Variants in AHRR observed in about 807,000 individuals in gnomAD.
AHRR encodes the protein aryl hydrocarbon receptor repressor.
In AHRR, 28 loss-of-function variants were observed where a neutral mutation model predicts 44.0. The ratio of observed to expected loss-of-function variants is 0.64; its 90% CI spans 0.47 to 0.87. The LOEUF (loss-of-function observed/expected upper bound fraction) is 0.87. Ranked by LOEUF, AHRR falls within the 40% of genes least tolerant of loss-of-function variation. The pLI is 0.00. For synonymous variants in AHRR, 434 were observed against 407.0 expected (o/e 1.07, Z -0.80); for missense variants, 990 against 953.9 (o/e 1.04, Z -0.50).
intron 3 of AHRR, 41 bp downstream of exon 3, chr5:353,952 G>A (rs1742955038): frequency 1.9e-6 from 3 of 1,580,202 alleles, no homozygotes; most frequent in East Asian, 4.5e-5. Flanking sequence ...CTTGAGTCAG[G>A]CTGTGTCTCC....
At chr5:351,146 T>C (rs557767845) in intron 2 of AHRR, among the ~76,000 whole-genome samples, 6 of 152,288 alleles carry the variant, frequency 3.9e-5, no homozygotes, top group South Asian at 2.1e-4. Flanking sequence ...GCCTGCTACA[T>C]TGCCGATGGG....
At chr5:421,994 T>G (rs1736147487) in intron 5 of AHRR, among the ~76,000 whole-genome samples, 1 of 152,198 alleles carries the variant, frequency 6.6e-6, no homozygotes, top group African/African-American at 2.4e-5. Flanking sequence ...GCACGGTTAA[T>G]TATTCGGGGC....
At chr5:350,675 G>C (rs904161126) in intron 2 of AHRR, among the ~76,000 whole-genome samples, 1 of 151,984 alleles carries the variant, frequency 6.6e-6, no homozygotes, top group Non-Finnish European at 1.5e-5. Context: ...TCCAGCCAGG[G>C]GATGCCAGTG....
rs1016478007 is a variant in AHRR, at chr5:343,784, G to C, written c.-10-109G>C. The C allele has an allele frequency of 3.5e-5, 39 of 1,105,632 alleles. No homozygotes were observed. In the African/African-American group the frequency reaches 4.4e-4, roughly 13 times the overall value. 68.5% of individuals were successfully genotyped at this position (1,105,632 alleles called of 1,614,324 possible). A position where few individuals can be genotyped will look rare whatever the true frequency, so the allele number is the denominator to read the frequency against. On this transcript the variant is annotated intron_variant, in intron 1 of 10. Transcript: ENST00000684583. ...GGAGCAGGAGGTGGGGGCCTCGCGG[G>C]GTCGCGGGTGTGGGGGCGCCAGGAC...
At chr5:412,111 C>T (rs11134022) in intron 4 of AHRR, among the ~76,000 whole-genome samples, 56,075 of 152,130 alleles carry the variant, frequency 0.37, 11,001 homozygotes, top group South Asian at 0.49. Context: ...TCCTTGCCTT[C>T]TCCATCTGCT....
intron 4 of AHRR, among the ~76,000 whole-genome samples, chr5:409,811 G>A (rs1455605516): frequency 2.0e-5 from 3 of 151,752 alleles, no homozygotes; most frequent in African/African-American, 4.8e-5. Context: ...TTTTCTTTAC[G>A]GGTTAGTGTT....
At position 391,339 on chromosome 5, in the gene AHRR, GCGGGCGC is replaced by G. The variant is rs1294081925; in HGVS notation, c.351+14624_351+14630del. Among the ~76,000 whole-genome samples the G allele has an allele frequency of 3.8e-5, 5 of 130,506 alleles. 1 individual carries two copies. The highest frequency in any genetic ancestry group is 8.4e-5 in the African/African-American group (3 of 35,574). 85.6% of individuals were successfully genotyped at this position (130,506 alleles called of 152,430 possible). ...AGAGCGTGCACGGGCGCAGGGCGAG[GCGGGCGC>G]AGGGCGAGGCAGGGCCAGAGCGTGC... On this transcript the variant is annotated intron_variant, in intron 4 of 10. Transcript: ENST00000684583.
chr5:329,035 G>A (rs533331344), intron 1 of AHRR, among the ~76,000 whole-genome samples: 2 of 152,236 alleles, frequency 1.3e-5, no homozygotes, highest in African/African-American at 4.8e-5. Flanking sequence ...TGGATTATGG[G>A]GGCAGTTTCC....
chr5:361,880 T>G (rs1304468887), intron 3 of AHRR, among the ~76,000 whole-genome samples: 1 of 152,218 alleles, frequency 6.6e-6, no homozygotes, highest in Non-Finnish European at 1.5e-5. Flanking sequence ...AACTTTGGCT[T>G]AGACTTTAGA....
intron 1 of AHRR, among the ~76,000 whole-genome samples, chr5:339,114 T>G (rs557241246): frequency 9.1e-4 from 138 of 152,314 alleles, no homozygotes; most frequent in African/African-American, 3.2e-3. Flanking sequence ...GAATTCTCTC[T>G]CTCTCTTTTT....
chr5:397,333 A>G lies in AHRR; in HGVS notation c.352-16011A>G, dbSNP rs1275569807. Among the ~76,000 whole-genome samples, 3 of 101,158 alleles carry G rather than the reference A, an allele frequency of 3.0e-5. No individual in the cohort carries two copies. The South Asian group carries it at 1.1e-3, about 36-fold the overall frequency. The allele number at this position is 101,158 out of a possible 152,430, so 66.4% of individuals were successfully genotyped here. ...CATCCCTGTTAGCCCCTGACCATCCATGTAGCCCCTGACCATCCATGTTAG... is the reference window on the plus strand; with the variant it reads ...CATCCCTGTTAGCCCCTGACCATCCGTGTAGCCCCTGACCATCCATGTTAG... On this transcript the variant is annotated intron_variant, in intron 4 of 10. Coordinates refer to ENST00000684583, the MANE Select transcript of AHRR (RefSeq NM_001377236.1).
intron 5 of AHRR, among the ~76,000 whole-genome samples, chr5:417,593 C>T (rs76646672): frequency 2.0e-5 from 3 of 152,214 alleles, no homozygotes; most frequent in Admixed American, 6.5e-5. Context: ...AGCCATGGCT[C>T]GATGGTCTCA....
intron 8 of AHRR, among the ~76,000 whole-genome samples, chr5:428,486 C>T (rs1399446179): frequency 1.3e-5 from 2 of 152,176 alleles, no homozygotes; most frequent in African/African-American, 4.8e-5. Flanking sequence ...CCTGGCCAAC[C>T]CAGGCCTACC....
At chr5:372,354 G>C (rs1231506050) in intron 3 of AHRR, among the ~76,000 whole-genome samples, 1 of 152,214 alleles carries the variant, frequency 6.6e-6, no homozygotes, top group East Asian at 1.9e-4. Flanking sequence ...CCCAAATCCA[G>C]CCTGGGCCCT....
chr5:383,428 C>A lies in AHRR; in HGVS notation c.351+6712C>A, dbSNP rs924150306. Among the ~76,000 whole-genome samples, 3 of 152,196 alleles carry A rather than the reference C, an allele frequency of 2.0e-5. No homozygotes were observed. The highest frequency in any genetic ancestry group is 7.2e-5 in the African/African-American group (3 of 41,456). ...TATTTTGGAATTCTGTTTTAGGGTA[C>A]ATACTCATTTAGGATATTACTGTGT... On this transcript the variant is annotated intron_variant, in intron 4 of 10. Coordinates refer to ENST00000684583, the MANE Select transcript of AHRR (RefSeq NM_001377236.1). This position sits in a 1 kb window ranked among gnomAD's most constrained non-coding sequence, Gnocchi z 4.0.
intron 1 of AHRR, among the ~76,000 whole-genome samples, chr5:327,939 C>T (rs1471415450): frequency 6.6e-6 from 1 of 152,172 alleles, no homozygotes; most frequent in African/African-American, 2.4e-5. Context: ...CCCCGCTCCC[C>T]CTACCCTACA....
Position 432,300 on chromosome 5 carries a change from C to T in AHRR, c.909-163C>T. Reference sequence around the variant, plus strand: ...CTGTAACTGAGAAAATAACTTTCCACACTATAAAGAATTAAACAAGAGTGA... The same window carrying T: ...CTGTAACTGAGAAAATAACTTTCCATACTATAAAGAATTAAACAAGAGTGA... On this transcript the variant is annotated intron_variant, in intron 8 of 10. Transcript: ENST00000684583. 8 of 648,216 alleles carry T rather than the reference C, an allele frequency of 1.2e-5. No individual in the cohort carries two copies. In the South Asian group the frequency reaches 1.6e-4, roughly 13 times the overall value. The allele number at this position is 648,216 out of a possible 1,614,324, so 40.2% of individuals were successfully genotyped here. A position where few individuals can be genotyped will look rare whatever the true frequency, so the allele number is the denominator to read the frequency against.
rs757432497 is a variant in AHRR, at chr5:353,736, C to G, written c.69C>G (p.Pro23=). ...KRRRPLQKQR[P]AVGAEKSNPS... is the part of the protein sequence containing the mutation. Reference sequence around the variant, plus strand: ...CCAGACCATCTCCCCACAGGAGGCCCGCCGTGGGGGCAGAGAAGTCCAACC... The same window carrying G: ...CCAGACCATCTCCCCACAGGAGGCCGGCCGTGGGGGCAGAGAAGTCCAACC... Residue 23 remains proline (P), a synonymous_variant, in exon 3 of 11, where the codon CCC becomes CCG. Coordinates refer to ENST00000684583, the MANE Select transcript of AHRR (RefSeq NM_001377236.1). The G allele has an allele frequency of 6.2e-7, 1 of 1,608,182 alleles. No homozygotes were observed. The highest frequency in any genetic ancestry group is 1.1e-5 in the South Asian group (1 of 90,696).
chr5:337,246 C>G lies in AHRR; in HGVS notation c.-10-6647C>G, dbSNP rs1742171680. ...AGTCCAGCCTGCCAACCCCAGCCCA[C>G]TTAGACTCCACTGTCCTCCCCACTT... On this transcript the variant is annotated intron_variant, in intron 1 of 10. Transcript: ENST00000684583. This position sits in a 1 kb window ranked among gnomAD's most constrained non-coding sequence, Gnocchi z 4.1. 6.8e-6 allele frequency among the ~76,000 whole-genome samples: 1 copy of G among 146,776 alleles called. No individual in the cohort carries two copies. Among genetic ancestry groups the G allele is most frequent in the Non-Finnish European group, 1.5e-5 (1 of 68,018 alleles).
Sources: gnomAD v4.1 joint callset for allele counts (sites outside exome capture counted in the v4.1 genomes callset) on GRCh38, gnomAD v4.1.1 for gene constraint, Gnocchi (gnomAD v3.1) non-coding constraint, MANE v1.5 for transcripts, NCBI Gene and HGNC (gene_info 2026-07-23, HGNC 2026-07-21) for gene names.